The following TSNARE1 variants were observed in gnomAD, a reference collection of about 807,000 sequenced individuals.
TSNARE1 encodes the protein t-SNARE domain containing 1, also known as t-SNARE domain-containing protein 1.
TSNARE1 carries 49 observed loss-of-function variants against 62.0 expected under a neutral mutation model. The ratio of observed to expected loss-of-function variants is 0.79; its 90% CI spans 0.63 to 1.00. The LOEUF is 1.00. Ranked by LOEUF, TSNARE1 falls within the 50% of genes least tolerant of loss-of-function variation. TSNARE1 has a pLI of 0.00. For missense variants in TSNARE1, 755 were observed against 700.1 expected (o/e 1.08, Z -0.88); for synonymous variants, 328 against 294.4 (o/e 1.11, Z -1.17).
intron 10 of TSNARE1, among the ~76,000 whole-genome samples, chr8:142,292,982 C>G (rs533405746): frequency 6.6e-6 from 1 of 152,242 alleles, no homozygotes; most frequent in Non-Finnish European, 1.5e-5. Context: ...AGTGGGGGGG[C>G]CACGTGTCAG....
rs1170720880 is a variant in TSNARE1, at chr8:142,223,523, CTCACTCAT to C, written c.*11+5942_*11+5949del. Among the ~76,000 whole-genome samples the C allele has an allele frequency of 1.4e-4, 21 of 150,560 alleles. 3 individuals carry two copies. The highest frequency in any genetic ancestry group is 4.2e-4 in the African/African-American group (17 of 40,880). ...ACTCACTCATTTATCCACTCACTCA[CTCACTCAT>C]TCACTCATTCACTCACTCATTCACT... On this transcript the variant is annotated intron_variant, in intron 13 of 13. Transcript: ENST00000524325.
chr8:142,331,471 G>A (rs1335077527), intron 5 of TSNARE1, among the ~76,000 whole-genome samples: 1 of 152,218 alleles, frequency 6.6e-6, no homozygotes, highest in Non-Finnish European at 1.5e-5. Flanking sequence ...CAGCGGGCAG[G>A]GGGCAGCAGG....
intron 6 of TSNARE1, among the ~76,000 whole-genome samples, chr8:142,330,457 C>T (rs1029547072): frequency 1.3e-5 from 2 of 152,346 alleles, no homozygotes; most frequent in South Asian, 4.1e-4. Context: ...CAAGATCGGA[C>T]GCCCCACTCC....
chr8:142,287,483 A>G lies in TSNARE1; in HGVS notation c.1291-2998T>C, dbSNP rs569238165. Among the ~76,000 whole-genome samples, 5 of 113,268 alleles carry G rather than the reference A, an allele frequency of 4.4e-5. No individual in the cohort carries two copies. The South Asian group carries it at 1.1e-3, about 25-fold the overall frequency. 74.3% of individuals were successfully genotyped at this position (113,268 alleles called of 152,430 possible). A position where few individuals can be genotyped will look rare whatever the true frequency, so the allele number is the denominator to read the frequency against. ...AGGACCTCGGCCAGATCTCAGGGAC[A>G]GTGGGCCACCCTCCAGGATGTGGAA... On this transcript the variant is annotated intron_variant, in intron 10 of 13. Transcript: ENST00000524325.
intron 6 of TSNARE1, among the ~76,000 whole-genome samples, chr8:142,325,175 C>A (rs1005259522): frequency 1.3e-5 from 2 of 152,140 alleles, no homozygotes; most frequent in African/African-American, 4.8e-5. Flanking sequence ...GAAGTGAGGC[C>A]GGCAGAGGGC....
intron 11 of TSNARE1, chr8:142,278,090 C>T (rs1199711305): frequency 2.0e-6 from 2 of 985,288 alleles, no homozygotes; most frequent in African/African-American, 3.5e-5. Flanking sequence ...CCTCCTCCAG[C>T]CCCACCCCAT....
intron 2 of TSNARE1, among the ~76,000 whole-genome samples, chr8:142,351,043 T>C (rs1834036058): frequency 6.6e-6 from 1 of 152,130 alleles, no homozygotes. Context: ...AAGGAGTCCT[T>C]CTCTTTTAGA....
intron 6 of TSNARE1, among the ~76,000 whole-genome samples, chr8:142,323,564 AG>A (rs1829794781): frequency 6.6e-6 from 1 of 152,160 alleles, no homozygotes; most frequent in South Asian, 2.1e-4. Context: ...GTCCCACTGG[AG>A]GGGGCTCCTC....
At chr8:142,276,916 G>A (rs1001658599) in intron 11 of TSNARE1, 11 of 985,316 alleles carry the variant, frequency 1.1e-5, no homozygotes, top group East Asian at 2.3e-4. Context: ...CTCCCTCAGC[G>A]CCCAGGCTGC....
At chr8:142,362,272 G>A (rs1210743948) in intron 1 of TSNARE1, among the ~76,000 whole-genome samples, 1 of 152,206 alleles carries the variant, frequency 6.6e-6, no homozygotes, top group Non-Finnish European at 1.5e-5. Context: ...GTGGCCTCAG[G>A]GGTTGCTGCT....
intron 10 of TSNARE1, among the ~76,000 whole-genome samples, chr8:142,298,758 C>T (rs1825185603): frequency 6.6e-6 from 1 of 152,188 alleles, no homozygotes; most frequent in African/African-American, 2.4e-5. Context: ...CCTGAGCCGC[C>T]CGAGGGGCTG....
chr8:142,285,483 A>G (rs1410918410), intron 10 of TSNARE1, among the ~76,000 whole-genome samples: 1 of 88,498 alleles, frequency 1.1e-5, no homozygotes, highest in East Asian at 3.7e-4. Flanking sequence ...ATGGGTGGGT[A>G]GATGGGTGGA....
At chr8:142,367,121 G>A (rs961102112) in intron 1 of TSNARE1, among the ~76,000 whole-genome samples, 11 of 152,172 alleles carry the variant, frequency 7.2e-5, no homozygotes, top group African/African-American at 2.2e-4. Flanking sequence ...AAAACTAGAA[G>A]TGATCAAACA....
At chr8:142,248,095 G>A (rs1817980198) in intron 12 of TSNARE1, among the ~76,000 whole-genome samples, 2 of 152,194 alleles carry the variant, frequency 1.3e-5, no homozygotes, top group East Asian at 3.9e-4. Flanking sequence ...TCATGACGGG[G>A]ACCAAGGCCC....
At position 142,253,763 on chromosome 8, in the gene TSNARE1, C is replaced by T. The variant is rs367851100; in HGVS notation, c.1446+21018G>A. ...TGGTGACCCCTCCCGCAGGACCCTG[C>T]GGCTGGTCAGTGGGAACGCGTAGCC... On this transcript the variant is annotated intron_variant, in intron 12 of 13. Coordinates refer to ENST00000524325, the MANE Select transcript of TSNARE1 (RefSeq NM_145003.5). Among the ~76,000 whole-genome samples the T allele has an allele frequency of 8.5e-5, 13 of 152,372 alleles. No individual in the cohort carries two copies. The East Asian group carries it at 1.2e-3, about 14-fold the overall frequency.
At chr8:142,317,074 G>C (rs1190061927) in intron 7 of TSNARE1, among the ~76,000 whole-genome samples, 3 of 151,816 alleles carry the variant, frequency 2.0e-5, no homozygotes, top group Admixed American at 6.6e-5. Flanking sequence ...CTGCACACAT[G>C]AAGCGGGTAT....
At chr8:142,287,900 G>C in intron 10 of TSNARE1, among the ~76,000 whole-genome samples, 1 of 152,056 alleles carries the variant, frequency 6.6e-6, no homozygotes, top group Non-Finnish European at 1.5e-5. Context: ...AGGGACAGTG[G>C]GCCGCCCTCC....
At chr8:142,375,668 G>A (rs1447482994) in intron 1 of TSNARE1, among the ~76,000 whole-genome samples, 2 of 152,258 alleles carry the variant, frequency 1.3e-5, no homozygotes, top group East Asian at 1.9e-4. Context: ...AATTAGCAAA[G>A]CAAGTGGTTC....
chr8:142,331,843 C>T lies in TSNARE1; in HGVS notation c.746-12G>A, dbSNP rs1188372492. The T allele has an allele frequency of 1.9e-6, 3 of 1,604,040 alleles. No homozygotes were observed. Among genetic ancestry groups the T allele is most frequent in the Non-Finnish European group, 2.6e-6 (3 of 1,175,308 alleles). ...ATCGACCTGGGTGGCTGGGAGAAGA[C>T]AGGGAGGAGGAAAGAACACAGGCTA... On this transcript the variant is annotated splice_polypyrimidine_tract_variant and intron_variant, in intron 4 of 13. Transcript: ENST00000524325.
Sources: allele counts gnomAD v4.1 joint callset (sites outside exome capture counted in the v4.1 genomes callset), GRCh38; gene constraint gnomAD v4.1.1; transcripts MANE v1.5; gene names NCBI Gene and HGNC (gene_info 2026-07-23, HGNC 2026-07-21).